RPH3A: variants seen among roughly 807,000 people sequenced by gnomAD.
The protein encoded by RPH3A is rabphilin-3A.
A neutral mutation model predicts 102.2 loss-of-function variants in RPH3A; 48 were observed. The observed-to-expected ratio is 0.47, with a 90% CI of 0.37 to 0.60. RPH3A has a LOEUF of 0.60. Ranked by LOEUF, RPH3A falls within the 20% of genes least tolerant of loss-of-function variation. RPH3A has a pLI of 0.00. For missense variants in RPH3A, 781 were observed against 910.1 expected (o/e 0.86, Z 1.83); for synonymous variants, 310 against 324.3 (o/e 0.96, Z 0.47).
intron 1 of RPH3A, among the ~76,000 whole-genome samples, chr12:112,690,996 T>TC (rs376884223): frequency 1.3e-5 from 2 of 151,192 alleles, no homozygotes; most frequent in African/African-American, 4.9e-5. Context: ...TATCCTTTGA[T>TC]CCCCCCCGCC....
At chr12:112,807,113 A>G (rs1254485307) in intron 2 of RPH3A, among the ~76,000 whole-genome samples, 3 of 152,000 alleles carry the variant, frequency 2.0e-5, no homozygotes, top group African/African-American at 7.3e-5. Context: ...GGACCATGCA[A>G]TCAAGACAAA....
chr12:112,721,357 A>G (rs1390123701), intron 1 of RPH3A, among the ~76,000 whole-genome samples: 1 of 152,206 alleles, frequency 6.6e-6, no homozygotes, highest in Non-Finnish European at 1.5e-5. Flanking sequence ...ATCTGAAAGG[A>G]TCTGAGCCTT....
chr12:112,598,443 CT>C (rs1230120804), intron 1 of RPH3A, among the ~76,000 whole-genome samples: 1 of 152,144 alleles, frequency 6.6e-6, no homozygotes, highest in Non-Finnish European at 1.5e-5. Context: ...TTTTGTCCCC[CT>C]GAATGATACT....
At chr12:112,892,873 T>C (rs1282425912) in intron 19 of RPH3A, 1 of 152,256 alleles carries the variant, frequency 6.6e-6, no homozygotes, top group Non-Finnish European at 1.5e-5. Context: ...CTTTAGTCCA[T>C]GGCCAAAGAA....
At chr12:112,874,820 T>G (rs2042766154) in intron 10 of RPH3A, 1 of 446,156 alleles carries the variant, frequency 2.2e-6, no homozygotes, top group East Asian at 4.0e-5. Flanking sequence ...ACAGGTCACT[T>G]GAGCAACGTC....
chr12:112,634,704 T>C (rs2039836068), intron 1 of RPH3A, among the ~76,000 whole-genome samples: 1 of 152,148 alleles, frequency 6.6e-6, no homozygotes, highest in South Asian at 2.1e-4. Context: ...CTGCAACAAT[T>C]TGGGGGCACA....
At chr12:112,712,960 CTTCT>C (rs1247636808) in intron 1 of RPH3A, among the ~76,000 whole-genome samples, 28 of 106,370 alleles carry the variant, frequency 2.6e-4, no homozygotes, top group South Asian at 7.7e-4. Flanking sequence ...TCTTCTTCTT[CTTCT>C]TTCTTCTTCT....
At chr12:112,725,718 T>C (rs1026165702) in intron 1 of RPH3A, among the ~76,000 whole-genome samples, 1 of 152,204 alleles carries the variant, frequency 6.6e-6, no homozygotes. Context: ...GTGATGACTT[T>C]AAAATTATTT....
At chr12:112,692,473 G>A (rs1216617465) in intron 1 of RPH3A, among the ~76,000 whole-genome samples, 2 of 152,050 alleles carry the variant, frequency 1.3e-5, no homozygotes, top group Non-Finnish European at 2.9e-5. Flanking sequence ...AATTGAATGT[G>A]AGTCAATTCT....
chr12:112,673,044 T>C lies in RPH3A; in HGVS notation c.-140+97725T>C, dbSNP rs149689569. On this transcript the variant is annotated intron_variant, in intron 1 of 21. Transcript: ENST00000543106. ...CTTGAGTTTCCCAGCAGGAGTTCAC[T>C]GAAGGCACCCACAGCTCATTATGTC... Among the ~76,000 whole-genome samples, 1,278 of 152,216 alleles carry C rather than the reference T, an allele frequency of 8.4e-3. 19 individuals carry two copies. Among genetic ancestry groups the C allele is most frequent in the African/African-American group, 0.029 (1,194 of 41,530 alleles).
intron 1 of RPH3A, among the ~76,000 whole-genome samples, chr12:112,640,755 G>A (rs1050083551): frequency 6.6e-5 from 10 of 152,152 alleles, no homozygotes; most frequent in African/African-American, 1.9e-4. Flanking sequence ...TAGGGGGCAT[G>A]GAGTGGAGGA....
chr12:112,747,969 G>A (rs943040371), intron 1 of RPH3A, among the ~76,000 whole-genome samples: 4 of 152,164 alleles, frequency 2.6e-5, no homozygotes, highest in Non-Finnish European at 1.5e-5. Context: ...GCTGGATTTC[G>A]GGGGCCAACC....
chr12:112,770,265 T>C (rs1010971324), intron 1 of RPH3A, among the ~76,000 whole-genome samples: 1 of 152,156 alleles, frequency 6.6e-6, no homozygotes, highest in African/African-American at 2.4e-5. Context: ...ATGGAGTGGC[T>C]GTCTCAGAAT....
intron 1 of RPH3A, among the ~76,000 whole-genome samples, chr12:112,618,337 C>T (rs11610221): frequency 6.6e-6 from 1 of 152,192 alleles, no homozygotes; most frequent in Non-Finnish European, 1.5e-5. Flanking sequence ...TGTTGCTATT[C>T]TGCAGAGCAA....
chr12:112,700,037 C>G lies in RPH3A; in HGVS notation c.-139-92106C>G, dbSNP rs533818035. On this transcript the variant is annotated intron_variant, in intron 1 of 21. Transcript: ENST00000543106. ...TTACATTTCCAAGGAGAACAAGCCA[C>G]TGACTTAAAGGAATAAATCCTTAAT... Among the ~76,000 whole-genome samples the G allele has an allele frequency of 2.0e-5, 3 of 151,764 alleles. No homozygotes were observed. The South Asian group carries it at 6.3e-4, about 32-fold the overall frequency.
chr12:112,862,245 C>CCA (rs1555217638), intron 5 of RPH3A, among the ~76,000 whole-genome samples: 7 of 148,446 alleles, frequency 4.7e-5, no homozygotes, highest in Middle Eastern at 7.1e-3. Flanking sequence ...GTCCCCCCCC[C>CCA]AAAAAAAAAG....
chr12:112,629,904 G>A (rs991326588), intron 1 of RPH3A, among the ~76,000 whole-genome samples: 2 of 152,224 alleles, frequency 1.3e-5, no homozygotes, highest in African/African-American at 4.8e-5. Flanking sequence ...TAGATGTCAT[G>A]AGTATCCCCC....
intron 1 of RPH3A, among the ~76,000 whole-genome samples, chr12:112,641,502 T>C (rs2039890210): frequency 6.6e-6 from 1 of 152,238 alleles, no homozygotes; most frequent in Admixed American, 6.5e-5. Flanking sequence ...GTTCAAGTGA[T>C]TCTTGTGCCT....
At chr12:112,716,832 A>G (rs538642318) in intron 1 of RPH3A, among the ~76,000 whole-genome samples, 6 of 152,352 alleles carry the variant, frequency 3.9e-5, no homozygotes, top group African/African-American at 1.2e-4. Context: ...TCCTGTGCTA[A>G]GCATGGCACT....
Sources: allele counts gnomAD v4.1 joint callset (sites outside exome capture counted in the v4.1 genomes callset), GRCh38; gene constraint gnomAD v4.1.1; transcripts MANE v1.5; gene names NCBI Gene and HGNC (gene_info 2026-07-23, HGNC 2026-07-21).